Variants in CTNNA3 observed in about 807,000 individuals in gnomAD.
CTNNA3 encodes catenin alpha-3.
Under a neutral mutation model 95.7 loss-of-function variants are expected in CTNNA3, and 76 were observed. The observed-to-expected ratio is 0.79, with a 90% CI of 0.66 to 0.96. The LOEUF is 0.96. CTNNA3 is among the 40% of genes least tolerant of loss of function. The pLI is 0.00. For missense variants in CTNNA3, 1,191 were observed against 1,089.8 expected, an observed-to-expected ratio of 1.09 and a Z score of -1.31; for synonymous variants, 431 against 374.4, an observed-to-expected ratio of 1.15 and a Z score of -1.74.
chr10:65,926,558 C>T (rs1176443492), intron 17 of CTNNA3, among the ~76,000 whole-genome samples: 1 of 150,892 alleles, frequency 6.6e-6, no homozygotes, highest in Non-Finnish European at 1.5e-5. Flanking sequence ...CTCACTGCAA[C>T]CTCTGCCTCC....
chr10:67,590,208 T>C (rs575415319), intron 3 of CTNNA3, among the ~76,000 whole-genome samples: 2 of 152,264 alleles, frequency 1.3e-5, no homozygotes, highest in Admixed American at 1.3e-4. Flanking sequence ...GTTACTCACA[T>C]AAGCCAAACA....
At chr10:67,419,309 T>TAGG (rs1845656233) in intron 5 of CTNNA3, among the ~76,000 whole-genome samples, 1 of 151,894 alleles carries the variant, frequency 6.6e-6, no homozygotes, top group East Asian at 1.9e-4. Context: ...ATCCTTGTCT[T>TAGG]AAAACCAAAA....
intron 7 of CTNNA3, among the ~76,000 whole-genome samples, chr10:67,005,686 T>TTTTTTTTTGTTTTTG (rs1564826012): frequency 3.0e-5 from 3 of 101,152 alleles, no homozygotes; most frequent in African/African-American, 9.4e-5. Context: ...CTCCATCTTT[T>TTTTTTTTTGTTTTTG]TTTTTTTTTT....
chr10:66,961,640 C>T (rs915114265), intron 7 of CTNNA3, among the ~76,000 whole-genome samples: 1 of 151,976 alleles, frequency 6.6e-6, no homozygotes, highest in Non-Finnish European at 1.5e-5. Context: ...ATCAAGATGA[C>T]TCCAGATTTA....
intron 13 of CTNNA3, among the ~76,000 whole-genome samples, chr10:66,172,255 C>T (rs2085470030): frequency 1.3e-5 from 2 of 152,020 alleles, no homozygotes; most frequent in Admixed American, 1.3e-4. Context: ...TATAGAGTTT[C>T]TATATTTGAT....
chr10:67,626,354 G>T (rs1838954730), intron 2 of CTNNA3, among the ~76,000 whole-genome samples: 1 of 152,154 alleles, frequency 6.6e-6, no homozygotes, highest in East Asian at 1.9e-4. Flanking sequence ...GGTGGCTCTG[G>T]ATTTTGTGAA....
Position 65,917,840 on chromosome 10 carries a change from C to T in CTNNA3, c.*2490G>A, listed in dbSNP as rs1337746900. 6.6e-6 allele frequency: 1 copy of T among 152,130 alleles called. No homozygotes were observed. The highest frequency in any genetic ancestry group is 1.9e-4 in the East Asian group (1 of 5,182). 9.4% of individuals were successfully genotyped at this position (152,130 alleles called of 1,614,324 possible). On this transcript the variant is annotated 3_prime_UTR_variant, in exon 18 of 18. Transcript: ENST00000433211. Reference sequence around the variant, plus strand: ...GGGGAGATTTATTCATATCTTGCTGCTAGTTTTTCTTGCATATAAGCATTT... The same window carrying T: ...GGGGAGATTTATTCATATCTTGCTGTTAGTTTTTCTTGCATATAAGCATTT...
intron 5 of CTNNA3, among the ~76,000 whole-genome samples, chr10:67,375,803 T>C (rs992290925): frequency 6.6e-6 from 1 of 152,158 alleles, no homozygotes; most frequent in Admixed American, 6.5e-5. Flanking sequence ...GGTAGTTTAA[T>C]TTTCTGAAAA....
Position 66,927,910 on chromosome 10 carries a change from G to A in CTNNA3, c.1048-152386C>T. The A allele has an allele frequency of 6.2e-7, 1 of 1,614,230 alleles. No individual in the cohort carries two copies. The highest frequency in any genetic ancestry group is 2.2e-5 in the East Asian group (1 of 44,886). The stretch of plus-strand genomic sequence containing the variant: ...TGTAAACTGGCTGAAAAGTTTTAAA[G>A]GTCTAAGGGAGAATACAATTATCTG... On this transcript the variant is annotated intron_variant, in intron 7 of 17. Transcript: ENST00000433211. This position sits in a 1 kb window ranked among gnomAD's most constrained non-coding sequence, Gnocchi z 4.7.
At chr10:66,125,414 T>C (rs1314332586) in intron 13 of CTNNA3, among the ~76,000 whole-genome samples, 1 of 152,144 alleles carries the variant, frequency 6.6e-6, no homozygotes, top group Non-Finnish European at 1.5e-5. Context: ...TAATTGTAAA[T>C]GTATATTGCA....
intron 5 of CTNNA3, 79 bp from the exon 6 acceptor site, chr10:67,219,949 G>A (rs1019085945): frequency 1.7e-6 from 2 of 1,175,612 alleles, no homozygotes; most frequent in East Asian, 2.4e-5. Context: ...TTCTTTTTTT[G>A]TAAGTATAAA....
chr10:66,630,414 G>T (rs1474625261), intron 9 of CTNNA3, among the ~76,000 whole-genome samples: 1 of 152,090 alleles, frequency 6.6e-6, no homozygotes, highest in Non-Finnish European at 1.5e-5. Flanking sequence ...GGCTTGGGGG[G>T]CAGCTTCTTT....
intron 11 of CTNNA3, among the ~76,000 whole-genome samples, chr10:66,484,464 A>G (rs1247917485): frequency 3.9e-5 from 6 of 152,072 alleles, no homozygotes; most frequent in African/African-American, 1.4e-4. Context: ...AAAAAGAGAA[A>G]GAATAAAGGA....
chr10:67,420,893 T>C (rs533103533), intron 5 of CTNNA3, among the ~76,000 whole-genome samples: 2 of 152,268 alleles, frequency 1.3e-5, no homozygotes, highest in South Asian at 4.1e-4. Flanking sequence ...GTAAAGAGTG[T>C]CTTTTATCAA....
chr10:67,436,051 T>C (rs1489785641), intron 5 of CTNNA3, among the ~76,000 whole-genome samples: 2 of 152,056 alleles, frequency 1.3e-5, no homozygotes, highest in African/African-American at 4.8e-5. Context: ...TCTGGACACA[T>C]CACACTACCT....
intron 13 of CTNNA3, among the ~76,000 whole-genome samples, chr10:66,158,168 T>G (rs1429425767): frequency 2.0e-5 from 3 of 152,128 alleles, no homozygotes; most frequent in African/African-American, 7.2e-5. Context: ...TTAGTTTAAT[T>G]AGGTCCTAGC....
intron 9 of CTNNA3, among the ~76,000 whole-genome samples, chr10:66,625,696 C>T (rs1844911251): frequency 1.3e-5 from 2 of 152,164 alleles, no homozygotes; most frequent in African/African-American, 4.8e-5. Context: ...CCCCTAGTTC[C>T]AGTTCTGTAT....
intron 7 of CTNNA3, among the ~76,000 whole-genome samples, chr10:67,121,981 CAAAAAAAAAAAAAAAAA>C (rs370358378): frequency 2.1e-5 from 1 of 47,144 alleles, no homozygotes; most frequent in Admixed American, 2.7e-4. Flanking sequence ...TTATTCTGAG[CAAAAAAAAAAAAAAAAA>C]AAAAAAAAAA....
intron 6 of CTNNA3, among the ~76,000 whole-genome samples, chr10:67,187,180 A>G (rs1862892368): frequency 6.6e-6 from 1 of 152,196 alleles, no homozygotes; most frequent in Non-Finnish European, 1.5e-5. Flanking sequence ...AAATCTGTCT[A>G]CTTCCAGTTC....
Sources: gnomAD v4.1 joint callset for allele counts (sites outside exome capture counted in the v4.1 genomes callset) on GRCh38, gnomAD v4.1.1 for gene constraint, Gnocchi (gnomAD v3.1) non-coding constraint, MANE v1.5 for transcripts, NCBI Gene and HGNC (gene_info 2026-07-23, HGNC 2026-07-21) for gene names.